The following PIWIL2 variants were observed in gnomAD, a reference collection of about 807,000 sequenced individuals.
PIWIL2 encodes piwi like RNA-mediated gene silencing 2, also known as piwi-like protein 2.
PIWIL2 carries 81 observed loss-of-function variants against 116.5 expected under a neutral mutation model. The ratio of observed to expected loss-of-function variants is 0.70; its 90% CI spans 0.58 to 0.84. The LOEUF (loss-of-function observed/expected upper bound fraction) is 0.84. Among genes scored for constraint, PIWIL2 ranks in the 40% least tolerant of loss-of-function variants. PIWIL2 has a pLI of 0.00. For missense variants in PIWIL2, 1,272 were observed against 1,212.3 expected, an observed-to-expected ratio of 1.05 and a Z score of -0.73; for synonymous variants, 489 against 429.5, an observed-to-expected ratio of 1.14 and a Z score of -1.71.
intron 20 of PIWIL2, among the ~76,000 whole-genome samples, chr8:22,325,818 G>A (rs1831712140): frequency 6.6e-6 from 1 of 152,014 alleles, no homozygotes; most frequent in Non-Finnish European, 1.5e-5. Flanking sequence ...TTGGGCATTT[G>A]CATCTACCAG....
intron 16 of PIWIL2, among the ~76,000 whole-genome samples, chr8:22,312,158 GGAGGCTGAGGTGGGAGAATCACCT>G (rs1831348132): frequency 6.6e-6 from 1 of 151,864 alleles, no homozygotes; most frequent in Admixed American, 6.6e-5. Flanking sequence ...CAGCTACTCA[GGAGGCTGAGGTGGGAGAATCACCT>G]GAGCCTGGGG....
intron 20 of PIWIL2, among the ~76,000 whole-genome samples, chr8:22,333,834 TAAAA>T (rs1241341731): frequency 1.3e-5 from 2 of 151,922 alleles, no homozygotes; most frequent in African/African-American, 4.8e-5. Context: ...AGGAATATAA[TAAAA>T]AACCTTAATT....
chr8:22,299,992 T>C (rs886226046), intron 10 of PIWIL2, among the ~76,000 whole-genome samples: 1 of 151,990 alleles, frequency 6.6e-6, no homozygotes, highest in African/African-American at 2.4e-5. Flanking sequence ...CAGGCTGGAG[T>C]GCAATGGTGC....
intron 10 of PIWIL2, among the ~76,000 whole-genome samples, chr8:22,291,003 C>CT (rs1164788127): frequency 6.9e-6 from 1 of 145,646 alleles, no homozygotes; most frequent in East Asian, 1.9e-4. Flanking sequence ...GAGTCTCACT[C>CT]TATCACCCAG....
chr8:22,338,041 C>T (rs960817696), intron 20 of PIWIL2, among the ~76,000 whole-genome samples: 27 of 151,840 alleles, frequency 1.8e-4, no homozygotes, highest in Admixed American at 1.8e-3. Flanking sequence ...TTGCAGTGAG[C>T]CAAGATCATG....
intron 21 of PIWIL2, 139 bp from the exon 22 acceptor site, chr8:22,354,132 G>A (rs1832438023): frequency 3.2e-6 from 2 of 624,620 alleles, no homozygotes; most frequent in Non-Finnish European, 5.8e-6. Flanking sequence ...TCTAATCCTG[G>A]TCTGGCCTCT....
chr8:22,329,787 C>T (rs919900890), intron 20 of PIWIL2, among the ~76,000 whole-genome samples: 2 of 152,168 alleles, frequency 1.3e-5, no homozygotes, highest in Non-Finnish European at 2.9e-5. Context: ...AGAAACTGGA[C>T]TGATAGGGTG....
chr8:22,353,855 G>A (rs1832430981), intron 21 of PIWIL2, among the ~76,000 whole-genome samples: 1 of 136,696 alleles, frequency 7.3e-6, no homozygotes, highest in Non-Finnish European at 1.5e-5. Flanking sequence ...GCTCACTGCA[G>A]CCTCAACCTG....
intron 20 of PIWIL2, among the ~76,000 whole-genome samples, chr8:22,351,432 CATACATACATAT>C (rs1832350397): frequency 2.1e-5 from 1 of 46,582 alleles, no homozygotes; most frequent in East Asian, 1.2e-3. Context: ...AGGAACAGTG[CATACATACATAT>C]ATATATATAT....
chr8:22,310,073 C>T lies in PIWIL2; in HGVS notation c.1799C>T (p.Thr600Ile). 6.6e-7 allele frequency: 1 copy of T among 1,515,158 alleles called. No individual in the cohort carries two copies. Among genetic ancestry groups the T allele is most frequent in the East Asian group, 2.3e-5 (1 of 44,410 alleles). The allele number at this position is 1,515,158 out of a possible 1,614,324, so 93.9% of individuals were successfully genotyped here. A position where few individuals can be genotyped will look rare whatever the true frequency, so the allele number is the denominator to read the frequency against. ...GTAACCAGAGACCCTTCCATCTTGA[C>T]TGTAAGTGATTTTTGAAGTGATAAA... ...KEVTRDPSIL[T>I]IPMHFWALFY... is the part of the protein sequence containing the mutation. The change falls in exon 15 of 23, where the codon ACT (threonine) becomes ATT (isoleucine). Residue 600 changes from threonine (T) to isoleucine (I), a missense_variant and splice_region_variant. By Grantham distance (89) the Thr-to-Ile change is moderately conservative (BLOSUM62 -1). Transcript: ENST00000356766.
chr8:22,341,299 TAAA>T (rs769390524), intron 20 of PIWIL2, among the ~76,000 whole-genome samples: 1 of 141,982 alleles, frequency 7.0e-6, no homozygotes, highest in Non-Finnish European at 1.5e-5. Context: ...ATTCATGATT[TAAA>T]AAAAAAAAAA....
At chr8:22,295,582 C>T (rs1277377754) in intron 10 of PIWIL2, among the ~76,000 whole-genome samples, 1 of 151,700 alleles carries the variant, frequency 6.6e-6, no homozygotes, top group African/African-American at 2.4e-5. Flanking sequence ...TGGACCCTCT[C>T]AGTGTAGCTG....
Position 22,318,153 on chromosome 8 carries a change from G to T in PIWIL2, c.2298-17G>T. 1.3e-6 allele frequency: 2 copies of T among 1,516,176 alleles called. No individual in the cohort carries two copies. The highest frequency in any genetic ancestry group is 1.8e-6 in the Non-Finnish European group (2 of 1,092,832). The allele number at this position is 1,516,176 out of a possible 1,614,324, so 93.9% of individuals were successfully genotyped here. On this transcript the variant is annotated splice_polypyrimidine_tract_variant and intron_variant, in intron 19 of 22. Transcript: ENST00000356766. ...TTCATCTTCCTTTCTCTGTCTCTCT[G>T]CTCACCCTGACCCTAGCACCCTCAC...
At chr8:22,342,270 T>G (rs141779876) in intron 20 of PIWIL2, among the ~76,000 whole-genome samples, 16 of 152,358 alleles carry the variant, frequency 1.1e-4, no homozygotes, top group African/African-American at 3.8e-4. Flanking sequence ...GCAATCTTAC[T>G]CAAAATCCCA....
chr8:22,330,542 C>T (rs969258957), intron 20 of PIWIL2, among the ~76,000 whole-genome samples: 24 of 151,192 alleles, frequency 1.6e-4, no homozygotes, highest in African/African-American at 5.6e-4. Context: ...ACTAAAAATA[C>T]ACACATTAGC....
chr8:22,346,503 G>A (rs936093541), intron 20 of PIWIL2, among the ~76,000 whole-genome samples: 1 of 152,012 alleles, frequency 6.6e-6, no homozygotes, highest in African/African-American at 2.4e-5. Flanking sequence ...TGAGTTGTAG[G>A]GCTTCTCAGA....
chr8:22,349,419 G>GTATATATATA (rs71206515), intron 20 of PIWIL2, among the ~76,000 whole-genome samples: 9 of 134,440 alleles, frequency 6.7e-5, no homozygotes, highest in East Asian at 2.3e-4. Context: ...ATGTGTGTGT[G>GTATATATATA]TATATATATA....
intron 20 of PIWIL2, among the ~76,000 whole-genome samples, chr8:22,341,311 A>T (rs1035974964): frequency 1.3e-5 from 2 of 152,052 alleles, no homozygotes; most frequent in South Asian, 4.1e-4. Context: ...AAAAAAAAAA[A>T]AAGTCCAGGC....
chr8:22,279,142 G>A (rs112641958), intron 1 of PIWIL2, among the ~76,000 whole-genome samples, 199 bp from the exon 2 acceptor site: 1 of 152,070 alleles, frequency 6.6e-6, no homozygotes, highest in African/African-American at 2.4e-5. Flanking sequence ...AAAAAGGTTG[G>A]GGACCACTGC....
Sources: allele counts gnomAD v4.1 joint callset (sites outside exome capture counted in the v4.1 genomes callset), GRCh38; gene constraint gnomAD v4.1.1; transcripts MANE v1.5; gene names NCBI Gene and HGNC (gene_info 2026-07-23, HGNC 2026-07-21).